The following RIT2 variants were observed in gnomAD, a reference collection of about 807,000 sequenced individuals.
RIT2 encodes GTP-binding protein Rit2.
Under a neutral mutation model 23.7 loss-of-function variants are expected in RIT2, and 24 were observed. That is an observed-to-expected ratio of 1.01 (90% CI 0.73 to 1.43). RIT2 has a LOEUF of 1.43. Among genes scored for constraint, RIT2 ranks in the 40% most tolerant of loss-of-function variants. RIT2 has a pLI of 0.00. For missense variants in RIT2, 236 were observed against 266.9 expected, an observed-to-expected ratio of 0.88 and a Z score of 0.81; for synonymous variants, 107 against 91.1, an observed-to-expected ratio of 1.17 and a Z score of -0.99.
chr18:42,778,843 C>T (rs1398476190), intron 4 of RIT2, among the ~76,000 whole-genome samples: 1 of 152,118 alleles, frequency 6.6e-6, no homozygotes, highest in East Asian at 1.9e-4. Context: ...TGGGCAAAGA[C>T]GGCACACACA....
At chr18:42,832,290 T>A (rs1207538077) in intron 4 of RIT2, among the ~76,000 whole-genome samples, 1 of 152,224 alleles carries the variant, frequency 6.6e-6, no homozygotes, top group Admixed American at 6.5e-5. Flanking sequence ...GTAGCAGTAG[T>A]AAATAGCTAA....
intron 4 of RIT2, among the ~76,000 whole-genome samples, chr18:42,886,471 T>C (rs1908025632): frequency 6.6e-6 from 1 of 152,234 alleles, no homozygotes; most frequent in Non-Finnish European, 1.5e-5. Flanking sequence ...GTTTCTGCTA[T>C]GGAATAGAGA....
chr18:42,997,257 C>G (rs1178916099), intron 2 of RIT2, among the ~76,000 whole-genome samples: 2 of 152,130 alleles, frequency 1.3e-5, no homozygotes, highest in Non-Finnish European at 2.9e-5. Context: ...GGGCTATCAG[C>G]AGAAACTCAA....
intron 2 of RIT2, among the ~76,000 whole-genome samples, chr18:42,989,193 T>C (rs1468181524): frequency 6.6e-6 from 1 of 152,136 alleles, no homozygotes; most frequent in Non-Finnish European, 1.5e-5. Context: ...AAAGTTTTGT[T>C]TCTGTTCTTG....
chr18:42,759,771 A>ATG (rs1913257555), intron 4 of RIT2, among the ~76,000 whole-genome samples: 3 of 150,064 alleles, frequency 2.0e-5, no homozygotes, highest in African/African-American at 7.3e-5. Context: ...ATATATATAT[A>ATG]TATATATATA....
At chr18:42,978,302 G>C (rs1222990208) in intron 2 of RIT2, among the ~76,000 whole-genome samples, 1 of 141,050 alleles carries the variant, frequency 7.1e-6, no homozygotes, top group Non-Finnish European at 1.5e-5. Flanking sequence ...TTTTATCCAC[G>C]GCTTTTTTTT....
rs77185090 is a variant in RIT2 at position 42,882,611 on chromosome 18, T to G, written c.426+40961A>C. Reference sequence around the variant, plus strand: ...TGTTAGCATAAAAAGAGGTCAGAAGTTGGTATCAAGATCACTGGGTCTAGT... The same window carrying G: ...TGTTAGCATAAAAAGAGGTCAGAAGGTGGTATCAAGATCACTGGGTCTAGT... On this transcript the variant is annotated intron_variant, in intron 4 of 4. Transcript: ENST00000326695. Among the ~76,000 whole-genome samples, 456 of 152,324 alleles carry G rather than the reference T, an allele frequency of 3.0e-3. 7 individuals carry two copies. In the East Asian group the frequency reaches 0.054, roughly 18 times the overall value.
intron 2 of RIT2, among the ~76,000 whole-genome samples, chr18:42,991,423 C>A (rs1910844813): frequency 6.6e-6 from 1 of 152,168 alleles, no homozygotes; most frequent in African/African-American, 2.4e-5. Flanking sequence ...TCTCAAAATT[C>A]ACTTCCGTGT....
chr18:43,082,682 T>C (rs902510891), intron 1 of RIT2, among the ~76,000 whole-genome samples: 16 of 145,174 alleles, frequency 1.1e-4, no homozygotes, highest in Non-Finnish European at 3.0e-5. Context: ...TCAACACCTC[T>C]TCATGCAAAA....
At chr18:42,855,200 C>T (rs976107297) in intron 4 of RIT2, among the ~76,000 whole-genome samples, 7 of 152,132 alleles carry the variant, frequency 4.6e-5, no homozygotes, top group African/African-American at 1.4e-4. Context: ...ACAGTTTTTA[C>T]GTTCTTGAGA....
chr18:42,960,855 T>C (rs892277974), intron 3 of RIT2, among the ~76,000 whole-genome samples: 13 of 152,208 alleles, frequency 8.5e-5, no homozygotes, highest in African/African-American at 2.9e-4. Flanking sequence ...TTCCTCAAGA[T>C]AGGGGAAAAA....
At chr18:42,777,065 G>A (rs1452138233) in intron 4 of RIT2, among the ~76,000 whole-genome samples, 2 of 152,018 alleles carry the variant, frequency 1.3e-5, no homozygotes, top group Non-Finnish European at 2.9e-5. Flanking sequence ...GATTGCATGT[G>A]GGTTTAAAAA....
chr18:42,874,358 C>CT (rs1239900135), intron 4 of RIT2, among the ~76,000 whole-genome samples: 5 of 152,000 alleles, frequency 3.3e-5, no homozygotes, highest in African/African-American at 1.2e-4. Context: ...TTTTCTTCTA[C>CT]TTTTTTATAT....
rs138253523 is a variant in RIT2 at position 42,810,895 on chromosome 18, T to A, written c.427-67175A>T. Among the ~76,000 whole-genome samples, 22 of 152,174 alleles carry A rather than the reference T, an allele frequency of 1.4e-4. No homozygotes were observed. In the East Asian group the frequency reaches 4.2e-3, roughly 29 times the overall value. The stretch of plus-strand genomic sequence containing the variant: ...TTCTAGTTTCAGCCTCCTAGCATTG[T>A]CTGCTCTCTAAATCTGAACTTGAAG... On this transcript the variant is annotated intron_variant, in intron 4 of 4. Transcript: ENST00000326695.
chr18:42,942,899 T>C (rs190009647), intron 3 of RIT2, among the ~76,000 whole-genome samples: 2 of 152,280 alleles, frequency 1.3e-5, no homozygotes, highest in Admixed American at 6.5e-5. Flanking sequence ...ATGTTGGTGA[T>C]TGATGATGTT....
intron 4 of RIT2, among the ~76,000 whole-genome samples, chr18:42,797,000 A>C (rs1002908561): frequency 6.6e-6 from 1 of 152,216 alleles, no homozygotes; most frequent in Non-Finnish European, 1.5e-5. Context: ...AATCTTAGAT[A>C]TCTCTAAATC....
chr18:43,000,442 A>T (rs1449178563), intron 2 of RIT2, among the ~76,000 whole-genome samples: 1 of 152,014 alleles, frequency 6.6e-6, no homozygotes, highest in East Asian at 1.9e-4. Flanking sequence ...TTTTCAAAGG[A>T]TGTTTTGTTT....
intron 4 of RIT2, among the ~76,000 whole-genome samples, chr18:42,835,628 G>T (rs531080438): frequency 1.3e-4 from 20 of 152,198 alleles, no homozygotes; most frequent in African/African-American, 4.8e-4. Flanking sequence ...TCAGAATGAT[G>T]ATCTTTAAAG....
chr18:42,769,164 T>C (rs1913491527), intron 4 of RIT2, among the ~76,000 whole-genome samples: 1 of 152,106 alleles, frequency 6.6e-6, no homozygotes, highest in African/African-American at 2.4e-5. Context: ...AGAAAGGTAA[T>C]AAGAAGAAAG....
Sources: allele counts gnomAD v4.1 joint callset (sites outside exome capture counted in the v4.1 genomes callset), GRCh38; gene constraint gnomAD v4.1.1; transcripts MANE v1.5; gene names NCBI Gene and HGNC (gene_info 2026-07-23, HGNC 2026-07-21).